Variants in CCDC80 observed in about 807,000 individuals in gnomAD.
CCDC80 encodes the protein coiled-coil domain containing 80.
Under a neutral mutation model 78.7 loss-of-function variants are expected in CCDC80, and 49 were observed. The ratio of observed to expected loss-of-function variants is 0.62; its 90% CI spans 0.50 to 0.79. The LOEUF (loss-of-function observed/expected upper bound fraction) is 0.79. Ranked by LOEUF, CCDC80 falls within the 30% of genes least tolerant of loss-of-function variation. The probability of loss-of-function intolerance (pLI) is 0.00; values close to 1 mark genes in which losing one functional copy is unlikely to be tolerated. For synonymous variants in CCDC80, 488 were observed against 447.0 expected (o/e 1.09, Z -1.16); for missense variants, 1,205 against 1,198.6 (o/e 1.01, Z -0.08).
rs11305336 is a variant in CCDC80, at chr3:112,610,085, G to GA, written c.2322-5dup. 2.0e-4 allele frequency: 316 copies of GA among 1,597,970 alleles called. No individual in the cohort carries two copies. The highest frequency in any genetic ancestry group is 3.3e-4 in the Middle Eastern group (2 of 6,014). The stretch of plus-strand genomic sequence containing the variant: ...CAACCTCCTCCTCCACCGGAACCTG[G>GA]AAAAAAAAAGCAGGACACCATTACT... On this transcript the variant is annotated splice_region_variant and splice_polypyrimidine_tract_variant and intron_variant, in intron 5 of 7. Coordinates refer to ENST00000206423, the MANE Select transcript of CCDC80 (RefSeq NM_199511.3).
rs1268249524 is a variant in CCDC80, at chr3:112,598,385, C to A, written c.*7032G>T. Reference sequence around the variant, plus strand: ...CTTTATCCTATCAGTTCCACCTAATCAACTGTAGTCATCTGAGAGCCAGAA... The same window carrying A: ...CTTTATCCTATCAGTTCCACCTAATAAACTGTAGTCATCTGAGAGCCAGAA... On this transcript the variant is annotated 3_prime_UTR_variant, in exon 8 of 8. Coordinates refer to ENST00000206423, the MANE Select transcript of CCDC80 (RefSeq NM_199511.3). The A allele has an allele frequency of 6.6e-6, 1 of 152,200 alleles. No homozygotes were observed. The highest frequency in any genetic ancestry group is 1.5e-5 in the Non-Finnish European group (1 of 68,074). 9.4% of individuals were successfully genotyped at this position (152,200 alleles called of 1,614,324 possible).
chr3:112,608,790 A>G (rs34284082), intron 6 of CCDC80, among the ~76,000 whole-genome samples: 6,347 of 152,280 alleles, frequency 0.042, 243 homozygotes, highest in Admixed American at 0.11. Flanking sequence ...GAGTACAAAT[A>G]AAAATTTCTG....
At chr3:112,613,859 T>C (rs144231868) in intron 5 of CCDC80, among the ~76,000 whole-genome samples, 1,578 of 151,588 alleles carry the variant, frequency 0.01, 9 homozygotes, top group Non-Finnish European at 0.016. Flanking sequence ...ATTATATATA[T>C]GTTTGTATAT....
chr3:112,621,626 CATT>C (rs1935870795), intron 3 of CCDC80, among the ~76,000 whole-genome samples: 2 of 152,174 alleles, frequency 1.3e-5, no homozygotes, highest in Non-Finnish European at 2.9e-5. Context: ...CACACCATCA[CATT>C]ATTAAGGTTG....
chr3:112,632,608 A>T (rs1247328669), intron 2 of CCDC80, among the ~76,000 whole-genome samples: 5 of 152,176 alleles, frequency 3.3e-5, no homozygotes, highest in Admixed American at 3.3e-4. Context: ...TAAGGATATC[A>T]GACAGTATGT....
chr3:112,611,733 G>T (rs1199368943), intron 5 of CCDC80, among the ~76,000 whole-genome samples: 1 of 152,238 alleles, frequency 6.6e-6, no homozygotes, highest in Non-Finnish European at 1.5e-5. Context: ...ACTGTATAGC[G>T]TTGTCTCAAC....
chr3:112,612,800 A>G (rs1225568830), intron 5 of CCDC80, among the ~76,000 whole-genome samples: 3 of 151,982 alleles, frequency 2.0e-5, no homozygotes, highest in Non-Finnish European at 4.4e-5. Flanking sequence ...GTGTAAACCC[A>G]TCAACCACTC....
At chr3:112,611,733 G>A (rs1199368943) in intron 5 of CCDC80, among the ~76,000 whole-genome samples, 3 of 152,238 alleles carry the variant, frequency 2.0e-5, no homozygotes, top group East Asian at 1.9e-4. Context: ...ACTGTATAGC[G>A]TTGTCTCAAC....
At position 112,639,501 on chromosome 3, in the gene CCDC80, C is replaced by T. The variant is rs374764351; in HGVS notation, c.405G>A (p.Gly135=). The stretch of plus-strand genomic sequence containing the variant: ...TGGCAAGGATGTTGGGAGAGCTGGA[C>T]CCCGAAGGGAAACGCAACATTCTTG... The part of the protein sequence containing the change: ...ARSRMLRFPS[G]SSSPNILASF... The change falls in exon 2 of 8, where the codon GGG becomes GGA. Residue 135 remains glycine (G), a synonymous_variant. Transcript: ENST00000206423. The T allele has an allele frequency of 1.7e-5, 27 of 1,614,086 alleles. No homozygotes were observed. The African/African-American group carries it at 3.2e-4, about 19-fold the overall frequency.
Sources: allele counts gnomAD v4.1 joint callset (sites outside exome capture counted in the v4.1 genomes callset), GRCh38; gene constraint gnomAD v4.1.1; transcripts MANE v1.5; gene names NCBI Gene and HGNC (gene_info 2026-07-23, HGNC 2026-07-21).